The following CARMIL1 variants were observed in gnomAD, a reference collection of about 807,000 sequenced individuals.
The protein encoded by CARMIL1 is F-actin-uncapping protein LRRC16A.
A neutral mutation model predicts 177.1 loss-of-function variants in CARMIL1; 90 were observed. The ratio of observed to expected loss-of-function variants is 0.51; its 90% confidence interval spans 0.43 to 0.61. The LOEUF (loss-of-function observed/expected upper bound fraction) is 0.61. Among genes scored for constraint, CARMIL1 ranks in the 20% least tolerant of loss-of-function variants. CARMIL1 has a pLI of 0.00. For missense variants in CARMIL1, 1,380 were observed against 1,667.0 expected, an observed-to-expected ratio of 0.83 and a Z score of 3.00; for synonymous variants, 577 against 606.2, an observed-to-expected ratio of 0.95 and a Z score of 0.71.
intron 32 of CARMIL1, among the ~76,000 whole-genome samples, 195 bp downstream of exon 32, chr6:25,594,722 C>T (rs1033926378): frequency 6.6e-6 from 1 of 152,284 alleles, no homozygotes; most frequent in East Asian, 1.9e-4. Context: ...CTCTCAAACT[C>T]CTACCCCAGA....
At chr6:25,441,333 A>ATG (rs1211206689) in intron 5 of CARMIL1, among the ~76,000 whole-genome samples, 1,085 of 66,914 alleles carry the variant, frequency 0.016, 9 homozygotes, top group South Asian at 0.034. Flanking sequence ...ATATATATAT[A>ATG]TATATGTGTG....
intron 2 of CARMIL1, among the ~76,000 whole-genome samples, chr6:25,346,799 ATTATT>A (rs1162342901): frequency 6.6e-6 from 1 of 152,170 alleles, no homozygotes; most frequent in African/African-American, 2.4e-5. Flanking sequence ...AATAAAGCTA[ATTATT>A]TTATTTCATG....
At chr6:25,434,518 A>AG in intron 4 of CARMIL1, among the ~76,000 whole-genome samples, 1 of 101,706 alleles carries the variant, frequency 9.8e-6, no homozygotes, top group East Asian at 2.8e-4. Flanking sequence ...GCTCAAAACC[A>AG]TTTTTTTTTT....
chr6:25,325,901 T>C (rs6927238), intron 2 of CARMIL1, among the ~76,000 whole-genome samples: 42,073 of 151,872 alleles, frequency 0.28, 6,297 homozygotes, highest in East Asian at 0.4. Flanking sequence ...GACAGAGTCT[T>C]GCTCTGTCGC....
intron 2 of CARMIL1, among the ~76,000 whole-genome samples, chr6:25,324,355 T>G (rs1018015756): frequency 7.2e-5 from 11 of 152,206 alleles, no homozygotes; most frequent in Admixed American, 5.9e-4. Flanking sequence ...ACAAGTTTTT[T>G]TTTTTTTTTT....
At chr6:25,414,327 C>G (rs1472694051) in intron 2 of CARMIL1, among the ~76,000 whole-genome samples, 1 of 152,150 alleles carries the variant, frequency 6.6e-6, no homozygotes, top group Non-Finnish European at 1.5e-5. Flanking sequence ...GCAGGATTCT[C>G]AGCCCTGAAA....
chr6:25,518,581 A>G (rs1056649143), intron 22 of CARMIL1, among the ~76,000 whole-genome samples: 2 of 152,160 alleles, frequency 1.3e-5, no homozygotes, highest in Admixed American at 1.3e-4. Flanking sequence ...GGTTACTCCT[A>G]TTGCACCACA....
intron 2 of CARMIL1, among the ~76,000 whole-genome samples, chr6:25,324,940 A>G (rs1784953199): frequency 6.6e-6 from 1 of 151,938 alleles, no homozygotes; most frequent in Non-Finnish European, 1.5e-5. Context: ...GAGCTAGGAT[A>G]GGGAGGTGGG....
chr6:25,512,533 T>A (rs778657983), intron 20 of CARMIL1, among the ~76,000 whole-genome samples: 19 of 152,232 alleles, frequency 1.2e-4, no homozygotes, highest in Non-Finnish European at 2.4e-4. Context: ...TTTTTACCAA[T>A]ACCTGGTACA....
chr6:25,488,293 T>C (rs1450601965), intron 12 of CARMIL1, among the ~76,000 whole-genome samples, 189 bp from the exon 13 acceptor site: 1 of 152,220 alleles, frequency 6.6e-6, no homozygotes, highest in Admixed American at 6.5e-5. Flanking sequence ...GGGTTGTGTC[T>C]TTGACCAACC....
chr6:25,308,154 C>T (rs909236260), intron 2 of CARMIL1, among the ~76,000 whole-genome samples: 1 of 152,116 alleles, frequency 6.6e-6, no homozygotes, highest in African/African-American at 2.4e-5. Context: ...TTTCTCTTAG[C>T]CCTTATTTCT....
chr6:25,299,466 C>A (rs1231490408), intron 2 of CARMIL1, among the ~76,000 whole-genome samples: 2 of 151,980 alleles, frequency 1.3e-5, no homozygotes, highest in Non-Finnish European at 2.9e-5. Flanking sequence ...GTCACAGCAC[C>A]CGGCCCATGC....
rs34928775 is a variant in CARMIL1, at chr6:25,340,777, G to GTTTT, written c.138+55892_138+55895dup. Among the ~76,000 whole-genome samples, 755 of 86,102 alleles carry GTTTT rather than the reference G, an allele frequency of 8.8e-3. 40 individuals are homozygous for GTTTT. The highest frequency in any genetic ancestry group is 0.016 in the South Asian group (23 of 1,460). The allele number at this position is 86,102 out of a possible 152,430, so 56.5% of individuals were successfully genotyped here. On this transcript the variant is annotated intron_variant, in intron 2 of 36. Coordinates refer to ENST00000329474, the MANE Select transcript of CARMIL1 (RefSeq NM_017640.6). ...AAGCTGGAGAAGGCTGTCAATGAAG[G>GTTTT]TTTTTTTTTTTTTTTTTTTTTTTTT...
intron 4 of CARMIL1, among the ~76,000 whole-genome samples, chr6:25,433,873 A>G (rs1395368955): frequency 6.6e-6 from 1 of 152,168 alleles, no homozygotes; most frequent in Non-Finnish European, 1.5e-5. Context: ...TGACATACAT[A>G]TGTTGAAATA....
At chr6:25,353,482 C>T (rs1013504403) in intron 2 of CARMIL1, among the ~76,000 whole-genome samples, 9 of 152,190 alleles carry the variant, frequency 5.9e-5, no homozygotes, top group Non-Finnish European at 1.3e-4. Flanking sequence ...TTCTAGTCTT[C>T]AAACACAAGT....
chr6:25,310,817 T>G (rs937380083), intron 2 of CARMIL1, among the ~76,000 whole-genome samples: 1 of 152,220 alleles, frequency 6.6e-6, no homozygotes, highest in African/African-American at 2.4e-5. Context: ...AGGCCTAGAT[T>G]GCACTAAATT....
intron 31 of CARMIL1, among the ~76,000 whole-genome samples, chr6:25,586,144 C>T (rs1472067815): frequency 1.3e-5 from 2 of 149,726 alleles, no homozygotes; most frequent in Admixed American, 1.3e-4. Flanking sequence ...GGGGGTTGCC[C>T]CCCACCTCCC....
rs1450306578 is a variant in CARMIL1, at chr6:25,577,640, G to T, written c.2743-3284G>T. Among the ~76,000 whole-genome samples the T allele has an allele frequency of 3.9e-5, 6 of 152,072 alleles. No individual in the cohort carries two copies. The highest frequency in any genetic ancestry group is 7.4e-5 in the Non-Finnish European group (5 of 68,016). On this transcript the variant is annotated intron_variant, in intron 29 of 36. Transcript: ENST00000329474. The surrounding 1 kb of genome is among the most constrained non-coding windows in gnomAD (Gnocchi z 4.5). ...AAAAAAGTATGTCTAGGAATTACAT[G>T]TTAAAAGTGGGTTTGACAGGAAAAA...
At chr6:25,403,814 A>AT (rs1486259548) in intron 2 of CARMIL1, among the ~76,000 whole-genome samples, 1 of 152,028 alleles carries the variant, frequency 6.6e-6, no homozygotes, top group Non-Finnish European at 1.5e-5. Context: ...TTTGTACTAC[A>AT]TTTTTCTCCA....
Sources: allele counts gnomAD v4.1 joint callset (sites outside exome capture counted in the v4.1 genomes callset), GRCh38; gene constraint gnomAD v4.1.1; non-coding constraint Gnocchi (gnomAD v3.1); transcripts MANE v1.5; gene names NCBI Gene and HGNC (gene_info 2026-07-23, HGNC 2026-07-21).